Variants in GULP1 observed in about 807,000 individuals in gnomAD.
GULP1 encodes PTB domain-containing engulfment adapter protein 1.
Under a neutral mutation model 40.9 loss-of-function variants are expected in GULP1, and 19 were observed. That is an observed-to-expected ratio of 0.46 (90% CI 0.32 to 0.68). The LOEUF (loss-of-function observed/expected upper bound fraction) is 0.68. GULP1 is among the 30% of genes least tolerant of loss of function. GULP1 has a pLI of 0.03. For missense variants in GULP1, 312 were observed against 362.2 expected, an observed-to-expected ratio of 0.86 and a Z score of 1.12; for synonymous variants, 119 against 117.6, an observed-to-expected ratio of 1.01 and a Z score of -0.08.
chr2:188,567,399 A>G (rs1303288539), intron 7 of GULP1, among the ~76,000 whole-genome samples: 1 of 152,232 alleles, frequency 6.6e-6, no homozygotes, highest in African/African-American at 2.4e-5. Flanking sequence ...CATCAATGAT[A>G]GATTGGATAA....
At chr2:188,530,429 T>G (rs1687238045) in intron 6 of GULP1, among the ~76,000 whole-genome samples, 1 of 152,204 alleles carries the variant, frequency 6.6e-6, no homozygotes, top group African/African-American at 2.4e-5. Context: ...TGTTTTGGAC[T>G]AAAGTGTTTC....
At chr2:188,456,777 G>A (rs1407210940) in intron 2 of GULP1, among the ~76,000 whole-genome samples, 1 of 152,148 alleles carries the variant, frequency 6.6e-6, no homozygotes, top group African/African-American at 2.4e-5. Flanking sequence ...CCGTGCACCT[G>A]GAAAAGCCAC....
intron 7 of GULP1, among the ~76,000 whole-genome samples, chr2:188,558,225 T>C (rs1389203563): frequency 2.0e-5 from 3 of 152,196 alleles, no homozygotes; most frequent in African/African-American, 7.2e-5. Flanking sequence ...ATAATACCCA[T>C]ATGTTGTGGA....
At chr2:188,364,596 C>G (rs1009192125) in intron 1 of GULP1, among the ~76,000 whole-genome samples, 7 of 151,758 alleles carry the variant, frequency 4.6e-5, no homozygotes, top group African/African-American at 1.7e-4. Context: ...GTCATGTAAC[C>G]TATGGTTTGC....
chr2:188,582,822 T>C (rs1421650548), intron 9 of GULP1, among the ~76,000 whole-genome samples: 1 of 152,142 alleles, frequency 6.6e-6, no homozygotes, highest in African/African-American at 2.4e-5. Flanking sequence ...GTTGGGAAAT[T>C]AGATCATTGG....
chr2:188,376,492 A>C (rs2048313064), intron 1 of GULP1, among the ~76,000 whole-genome samples: 2 of 152,242 alleles, frequency 1.3e-5, no homozygotes, highest in Non-Finnish European at 2.9e-5. Context: ...AGAGCAACCA[A>C]GTTAAAAGAA....
At chr2:188,494,774 A>G (rs1430655400) in intron 4 of GULP1, among the ~76,000 whole-genome samples, 1 of 151,738 alleles carries the variant, frequency 6.6e-6, no homozygotes, top group African/African-American at 2.4e-5. Flanking sequence ...CTCAAGCTTC[A>G]TCTCTCTTAT....
chr2:188,562,868 T>C (rs1453125908), intron 7 of GULP1, among the ~76,000 whole-genome samples: 5 of 152,188 alleles, frequency 3.3e-5, no homozygotes, highest in African/African-American at 4.8e-5. Flanking sequence ...GAACTAAATA[T>C]TTGGCCCACA....
chr2:188,497,189 A>G (rs755567596), intron 4 of GULP1, among the ~76,000 whole-genome samples: 3 of 152,062 alleles, frequency 2.0e-5, no homozygotes, highest in African/African-American at 7.2e-5. Flanking sequence ...TCCTGCTAGC[A>G]TTGTGTCAGC....
intron 2 of GULP1, among the ~76,000 whole-genome samples, chr2:188,471,746 T>C (rs763929555): frequency 3.3e-5 from 5 of 152,190 alleles, no homozygotes; most frequent in Non-Finnish European, 5.9e-5. Flanking sequence ...GAAAAGTTGT[T>C]GTAGTTATTA....
At chr2:188,552,748 A>G (rs1481199735) in intron 7 of GULP1, among the ~76,000 whole-genome samples, 2 of 151,656 alleles carry the variant, frequency 1.3e-5, no homozygotes, top group Non-Finnish European at 3.0e-5. Context: ...ATCCATGAAT[A>G]TAGGATATTT....
chr2:188,400,786 C>A (rs1053716206), intron 2 of GULP1, among the ~76,000 whole-genome samples: 5 of 152,010 alleles, frequency 3.3e-5, no homozygotes, highest in African/African-American at 1.2e-4. Context: ...GGTATGTTTA[C>A]AAAAGTGGAA....
chr2:188,335,651 A>G (rs184157932), intron 1 of GULP1, among the ~76,000 whole-genome samples: 6 of 152,312 alleles, frequency 3.9e-5, no homozygotes, highest in African/African-American at 1.4e-4. Context: ...TTCCGTGTCT[A>G]TAGTACTTTG....
intron 4 of GULP1, among the ~76,000 whole-genome samples, chr2:188,511,926 T>C (rs1297562042): frequency 1.3e-5 from 2 of 152,150 alleles, no homozygotes; most frequent in Non-Finnish European, 1.5e-5. Context: ...TTTGTTGGTG[T>C]ATCTATTTTA....
At chr2:188,310,967 A>G (rs2037987018) in intron 1 of GULP1, among the ~76,000 whole-genome samples, 1 of 152,238 alleles carries the variant, frequency 6.6e-6, no homozygotes, top group African/African-American at 2.4e-5. Context: ...AATATTTGTC[A>G]GATATTTCTA....
chr2:188,556,822 T>C (rs1393611148), intron 7 of GULP1, among the ~76,000 whole-genome samples: 1 of 151,828 alleles, frequency 6.6e-6, no homozygotes, highest in East Asian at 1.9e-4. Flanking sequence ...GATCACGAGG[T>C]CAGGAGATCG....
In GULP1 at chr2:188,320,372, G is replaced by A. The variant is rs189739891; in HGVS notation, c.-172+28206G>A. Among the ~76,000 whole-genome samples the A allele has an allele frequency of 2.9e-4, 44 of 152,208 alleles. 1 individual carries two copies. The highest frequency in any genetic ancestry group is 1.4e-3 in the Admixed American group (21 of 15,268). ...CCTTATGTGTACAATTGACTTTAACGTCCTTGGCAGTAGGTATGTATTTGC... is the reference window on the plus strand; with the variant it reads ...CCTTATGTGTACAATTGACTTTAACATCCTTGGCAGTAGGTATGTATTTGC... On this transcript the variant is annotated intron_variant, in intron 1 of 11. Transcript: ENST00000409830.
intron 1 of GULP1, among the ~76,000 whole-genome samples, chr2:188,350,390 G>A (rs2152285535): frequency 6.6e-6 from 1 of 152,122 alleles, no homozygotes; most frequent in African/African-American, 2.4e-5. Context: ...TTAGTTTTCA[G>A]TGAACACATT....
chr2:188,344,196 G>C (rs1360646764), intron 1 of GULP1, among the ~76,000 whole-genome samples: 1 of 152,180 alleles, frequency 6.6e-6, no homozygotes. Flanking sequence ...TTAGAAAGAA[G>C]GAATGAGGAT....
Sources: allele counts gnomAD v4.1 joint callset (sites outside exome capture counted in the v4.1 genomes callset), GRCh38; gene constraint gnomAD v4.1.1; transcripts MANE v1.5; gene names NCBI Gene and HGNC (gene_info 2026-07-23, HGNC 2026-07-21).